Variants in PELI2 observed in about 807,000 individuals in gnomAD.
The protein encoded by PELI2 is pellino E3 ubiquitin protein ligase family member 2.
A neutral mutation model predicts 42.3 loss-of-function variants in PELI2; 23 were observed. That is an observed-to-expected ratio of 0.54 (90% CI 0.39 to 0.77). The LOEUF is 0.77. Ranked by LOEUF, PELI2 falls within the 30% of genes least tolerant of loss-of-function variation. The pLI is 0.00. For missense variants in PELI2, 463 were observed against 553.2 expected, an observed-to-expected ratio of 0.84 and a Z score of 1.64; for synonymous variants, 245 against 212.2, an observed-to-expected ratio of 1.15 and a Z score of -1.34.
intron 3 of PELI2, among the ~76,000 whole-genome samples, chr14:56,286,780 A>G (rs990844023): frequency 6.6e-6 from 1 of 152,038 alleles, no homozygotes; most frequent in Non-Finnish European, 1.5e-5. Flanking sequence ...TCCTGGAAAA[A>G]GCAACATGAG....
intron 2 of PELI2, among the ~76,000 whole-genome samples, chr14:56,199,695 A>G (rs544902253): frequency 5.2e-4 from 79 of 152,350 alleles, no homozygotes; most frequent in African/African-American, 1.8e-3. Context: ...TACAGGTTAT[A>G]TAAACGGATA....
intron 2 of PELI2, among the ~76,000 whole-genome samples, chr14:56,206,406 A>G (rs1594638577): frequency 6.6e-6 from 1 of 152,164 alleles, no homozygotes; most frequent in Non-Finnish European, 1.5e-5. Flanking sequence ...TCCTTCACCA[A>G]ATGGATTATA....
chr14:56,260,094 A>G (rs951062517), intron 2 of PELI2, among the ~76,000 whole-genome samples: 2 of 152,122 alleles, frequency 1.3e-5, no homozygotes, highest in African/African-American at 2.4e-5. Context: ...TAAAAATTCC[A>G]GATTGCCTGT....
chr14:56,183,517 T>C (rs972057626), intron 2 of PELI2, among the ~76,000 whole-genome samples: 2 of 152,196 alleles, frequency 1.3e-5, no homozygotes. Flanking sequence ...TTATTAGGAC[T>C]TCAAGAATTG....
At chr14:56,275,144 ATAAAT>A (rs1566678453) in intron 2 of PELI2, among the ~76,000 whole-genome samples, 6 of 152,130 alleles carry the variant, frequency 3.9e-5, no homozygotes. Context: ...GGGTGGAAAA[ATAAAT>A]AAGACTGAAC....
chr14:56,249,481 C>G (rs965222818), intron 2 of PELI2, among the ~76,000 whole-genome samples: 8 of 152,188 alleles, frequency 5.3e-5, no homozygotes, highest in Non-Finnish European at 1.2e-4. Context: ...ACCACTTCCT[C>G]CTCCATTCAA....
chr14:56,147,516 C>T (rs551355872), intron 1 of PELI2, among the ~76,000 whole-genome samples: 1 of 152,290 alleles, frequency 6.6e-6, no homozygotes, highest in African/African-American at 2.4e-5. Flanking sequence ...TTCTGAATTC[C>T]TACACCAGCA....
Position 56,296,639 on chromosome 14 carries a change from A to G in PELI2, c.736A>G (p.Ile246Val). The change falls in exon 6 of 6, where the codon ATT becomes GTT. Residue 246 changes from isoleucine (I) to valine (V), a missense_variant. Physicochemically the swap from Ile to Val is conservative, Grantham distance 29. Transcript: ENST00000267460. ...CAACGTCCTGCAGGACGGCTCCCTC[A>G]TTGACCTGTGTGGGGCCACTCTCCT... ...ETNVLQDGSL[I>V]DLCGATLLWR... The G allele has an allele frequency of 6.2e-7, 1 of 1,613,238 alleles. No individual in the cohort carries two copies. Among genetic ancestry groups the G allele is most frequent in the Non-Finnish European group, 8.5e-7 (1 of 1,179,322 alleles).
At chr14:56,133,323 C>T (rs1383084598) in intron 1 of PELI2, among the ~76,000 whole-genome samples, 6 of 151,700 alleles carry the variant, frequency 4.0e-5, no homozygotes, top group African/African-American at 7.3e-5. Flanking sequence ...TGCTTTTTTT[C>T]GGCAAGTTGA....
chr14:56,191,875 C>T (rs1301855221), intron 2 of PELI2, among the ~76,000 whole-genome samples: 1 of 152,194 alleles, frequency 6.6e-6, no homozygotes, highest in Non-Finnish European at 1.5e-5. Context: ...CGCTCTGTCA[C>T]CCAGGCTGTA....
intron 1 of PELI2, among the ~76,000 whole-genome samples, chr14:56,141,880 A>G (rs1489769043): frequency 6.6e-6 from 1 of 152,182 alleles, no homozygotes; most frequent in Admixed American, 6.5e-5. Context: ...TGAATTATAA[A>G]CATTTCATGA....
At chr14:56,240,793 G>C (rs1487679831) in intron 2 of PELI2, among the ~76,000 whole-genome samples, 2 of 152,162 alleles carry the variant, frequency 1.3e-5, no homozygotes, top group African/African-American at 2.4e-5. Context: ...GAGTAGCTGT[G>C]GGGAGGAGCT....
At chr14:56,175,142 C>T (rs572879294) in intron 1 of PELI2, among the ~76,000 whole-genome samples, 4 of 152,110 alleles carry the variant, frequency 2.6e-5, no homozygotes, top group African/African-American at 9.7e-5. Context: ...ACTACAGGTG[C>T]ATGCCACCAC....
chr14:56,145,349 A>G (rs1400476423), intron 1 of PELI2, among the ~76,000 whole-genome samples: 2 of 152,186 alleles, frequency 1.3e-5, no homozygotes, highest in East Asian at 1.9e-4. Context: ...CCCACCTCCA[A>G]CACTGGGGAT....
chr14:56,164,000 A>G (rs1566614339), intron 1 of PELI2, among the ~76,000 whole-genome samples: 1 of 152,154 alleles, frequency 6.6e-6, no homozygotes, highest in Non-Finnish European at 1.5e-5. Context: ...TTATCTGCAA[A>G]CAAGGATAAT....
chr14:56,144,270 A>C (rs1002650174), intron 1 of PELI2, among the ~76,000 whole-genome samples: 6 of 152,350 alleles, frequency 3.9e-5, no homozygotes, highest in African/African-American at 1.4e-4. Context: ...AGATATATTA[A>C]AAAGATTTCT....
rs553946118 is a variant in PELI2 at position 56,241,211 on chromosome 14, G to T, written c.208-38465G>T. ...AATGAATGGGACTCCCAATAACCCA[G>T]TGTTAGGCCTGCAAGAAAGAACTCC... On this transcript the variant is annotated intron_variant, in intron 2 of 5. Transcript: ENST00000267460. Among the ~76,000 whole-genome samples, 3 of 152,208 alleles carry T rather than the reference G, an allele frequency of 2.0e-5. No homozygotes were observed. In the Middle Eastern group the frequency reaches 0.01, roughly 518 times the overall value.
chr14:56,175,175 T>A (rs980228558), intron 1 of PELI2, among the ~76,000 whole-genome samples: 1 of 152,064 alleles, frequency 6.6e-6, no homozygotes, highest in Non-Finnish European at 1.5e-5. Flanking sequence ...TTCGTATTTT[T>A]TGTAGAGGTG....
At chr14:56,206,896 G>T (rs1482379438) in intron 2 of PELI2, among the ~76,000 whole-genome samples, 5 of 152,276 alleles carry the variant, frequency 3.3e-5, no homozygotes, top group Non-Finnish European at 7.4e-5. Flanking sequence ...GGGATTTGCT[G>T]CATGTTATGT....
Sources: gnomAD v4.1 joint callset for allele counts (sites outside exome capture counted in the v4.1 genomes callset) on GRCh38, gnomAD v4.1.1 for gene constraint, MANE v1.5 for transcripts, NCBI Gene and HGNC (gene_info 2026-07-23, HGNC 2026-07-21) for gene names.